Variants in CDK14 observed in about 807,000 individuals in gnomAD.
The protein encoded by CDK14 is cyclin dependent kinase 14, also known as cyclin-dependent kinase 14.
A neutral mutation model predicts 60.7 loss-of-function variants in CDK14; 34 were observed. That is an observed-to-expected ratio of 0.56 (90% confidence interval 0.43 to 0.75). CDK14 has a LOEUF of 0.75. Among genes scored for constraint, CDK14 ranks in the 30% least tolerant of loss-of-function variants. The probability of loss-of-function intolerance (pLI) is 0.00; values close to 1 mark genes in which losing one functional copy is unlikely to be tolerated. For synonymous variants in CDK14, 197 were observed against 203.7 expected (o/e 0.97, Z 0.28); for missense variants, 482 against 564.1 (o/e 0.85, Z 1.47).
At chr7:90,892,013 A>G (rs1420514875) in intron 6 of CDK14, among the ~76,000 whole-genome samples, 2 of 152,224 alleles carry the variant, frequency 1.3e-5, no homozygotes, top group Non-Finnish European at 2.9e-5. Flanking sequence ...GAGAAACATA[A>G]GCACTTACTG....
intron 5 of CDK14, among the ~76,000 whole-genome samples, chr7:90,862,439 G>T (rs78244660): frequency 0.075 from 11,426 of 151,936 alleles, 532 homozygotes; most frequent in Middle Eastern, 0.13. Flanking sequence ...TTGATAAAAC[G>T]GTCAATTCTC....
At chr7:90,663,508 A>C (rs1469645744) in intron 2 of CDK14, among the ~76,000 whole-genome samples, 1 of 152,166 alleles carries the variant, frequency 6.6e-6, no homozygotes, top group African/African-American at 2.4e-5. Context: ...TCTGAGGAGA[A>C]ACCATTGTTT....
rs141567571 is a variant in CDK14 at position 90,686,172 on chromosome 7, TATTA to T, written c.124-40391_124-40388del. ...TAATACATAGTTCTCAATTAACAAATATTAATTCTTATTATGATGATTTTTAGTT... is the reference window on the plus strand; with the variant it reads ...TAATACATAGTTCTCAATTAACAAATATTCTTATTATGATGATTTTTAGTT... On this transcript the variant is annotated intron_variant, in intron 2 of 14. Coordinates refer to ENST00000380050, the MANE Select transcript of CDK14 (RefSeq NM_001287135.2). Among the ~76,000 whole-genome samples, 483 of 152,302 alleles carry T rather than the reference TATTA, an allele frequency of 3.2e-3. 5 individuals are homozygous for T. Among genetic ancestry groups the T allele is most frequent in the African/African-American group, 0.011 (457 of 41,582 alleles).
At chr7:91,030,674 C>A (rs1796736197) in intron 10 of CDK14, among the ~76,000 whole-genome samples, 1 of 152,216 alleles carries the variant, frequency 6.6e-6, no homozygotes, top group African/African-American at 2.4e-5. Context: ...TGCCTCCTGA[C>A]CCCACCTTGC....
chr7:90,730,316 A>G (rs1161864611), intron 3 of CDK14, among the ~76,000 whole-genome samples: 5 of 152,202 alleles, frequency 3.3e-5, no homozygotes, highest in Non-Finnish European at 7.3e-5. Context: ...CAGTAAACAT[A>G]CGTGTGCATG....
At chr7:90,957,905 A>G (rs557798344) in intron 9 of CDK14, among the ~76,000 whole-genome samples, 1 of 152,274 alleles carries the variant, frequency 6.6e-6, no homozygotes. Context: ...ATCAATCCTA[A>G]GCCAAAAGAA....
At chr7:90,973,726 A>G (rs1016133445) in intron 9 of CDK14, among the ~76,000 whole-genome samples, 13 of 151,488 alleles carry the variant, frequency 8.6e-5, no homozygotes, top group Non-Finnish European at 1.3e-4. Flanking sequence ...AAAACCAGCA[A>G]TTTTTTTTAG....
chr7:91,197,335 G>T (rs936091928), intron 14 of CDK14, among the ~76,000 whole-genome samples: 1 of 149,164 alleles, frequency 6.7e-6, no homozygotes, highest in Admixed American at 6.7e-5. Flanking sequence ...AGGAGGCAGA[G>T]GTTGCAGTGA....
chr7:91,109,453 A>G (rs1052544912), intron 12 of CDK14, among the ~76,000 whole-genome samples: 1 of 152,288 alleles, frequency 6.6e-6, no homozygotes, highest in East Asian at 1.9e-4. Context: ...TACCAATTAC[A>G]TGGAAATAGA....
chr7:90,679,809 T>C (rs78577076), intron 2 of CDK14, among the ~76,000 whole-genome samples: 12,371 of 152,256 alleles, frequency 0.081, 598 homozygotes, highest in Middle Eastern at 0.12. Context: ...ATTGAATCTG[T>C]CATTTTTAAG....
chr7:90,701,874 T>A (rs1292150823), intron 2 of CDK14, among the ~76,000 whole-genome samples: 1 of 152,184 alleles, frequency 6.6e-6, no homozygotes, highest in Non-Finnish European at 1.5e-5. Context: ...CCTCATCTCC[T>A]AATTTTACTA....
At chr7:91,007,333 T>C (rs1309024750) in intron 10 of CDK14, among the ~76,000 whole-genome samples, 2 of 152,178 alleles carry the variant, frequency 1.3e-5, no homozygotes, top group Non-Finnish European at 2.9e-5. Flanking sequence ...TTTGCCGCAG[T>C]AGCATTATTC....
At chr7:90,771,326 A>T (rs866731556) in intron 4 of CDK14, among the ~76,000 whole-genome samples, 1 of 152,156 alleles carries the variant, frequency 6.6e-6, no homozygotes, top group Non-Finnish European at 1.5e-5. Flanking sequence ...ATTCTTCAGT[A>T]CCTGTTGAAA....
intron 2 of CDK14, among the ~76,000 whole-genome samples, chr7:90,714,695 GA>G (rs1235929201): frequency 2.0e-5 from 3 of 151,962 alleles, no homozygotes; most frequent in Non-Finnish European, 4.4e-5. Flanking sequence ...ATTCTATATT[GA>G]GTGATGCCCT....
chr7:91,129,072 G>A (rs898462919), intron 14 of CDK14, among the ~76,000 whole-genome samples: 2 of 152,148 alleles, frequency 1.3e-5, no homozygotes, highest in African/African-American at 4.8e-5. Context: ...TTTTATCATC[G>A]TCTTTTATGT....
intron 13 of CDK14, among the ~76,000 whole-genome samples, chr7:91,117,855 T>C (rs886283301): frequency 5.9e-5 from 9 of 152,174 alleles, no homozygotes; most frequent in African/African-American, 2.2e-4. Context: ...GTCTGAGCTG[T>C]GGTTCTGAGG....
At chr7:90,920,619 C>G (rs919727326) in intron 8 of CDK14, among the ~76,000 whole-genome samples, 1 of 152,130 alleles carries the variant, frequency 6.6e-6, no homozygotes, top group Non-Finnish European at 1.5e-5. Context: ...GGCCCAGGGC[C>G]TTTATATTTA....
intron 14 of CDK14, among the ~76,000 whole-genome samples, chr7:91,168,028 C>T (rs948983876): frequency 1.3e-5 from 2 of 152,080 alleles, no homozygotes; most frequent in Non-Finnish European, 2.9e-5. Flanking sequence ...CTTTGGGAGG[C>T]CAAGGTGGCT....
At chr7:90,842,750 A>G (rs555603506) in intron 5 of CDK14, among the ~76,000 whole-genome samples, 3 of 152,332 alleles carry the variant, frequency 2.0e-5, no homozygotes, top group Non-Finnish European at 4.4e-5. Context: ...TGCCTAGTAC[A>G]TAGCAAACTA....
Sources: gnomAD v4.1 joint callset for allele counts (sites outside exome capture counted in the v4.1 genomes callset) on GRCh38, gnomAD v4.1.1 for gene constraint, MANE v1.5 for transcripts, NCBI Gene and HGNC (gene_info 2026-07-23, HGNC 2026-07-21) for gene names.